Variants in SGTA observed in about 807,000 individuals in gnomAD.
The protein encoded by SGTA is small glutamine rich tetratricopeptide repeat co-chaperone alpha.
SGTA carries 22 observed loss-of-function variants against 44.3 expected under a neutral mutation model. The ratio of observed to expected loss-of-function variants is 0.50; its 90% CI spans 0.36 to 0.71. The LOEUF (loss-of-function observed/expected upper bound fraction) is 0.71, where lower values mean the gene tolerates loss of function less well. Among genes scored for constraint, SGTA ranks in the 30% least tolerant of loss-of-function variants. The pLI is 0.00. For missense variants in SGTA, 341 were observed against 435.9 expected (o/e 0.78, Z 1.94); for synonymous variants, 174 against 177.6 (o/e 0.98, Z 0.16).
rs138885244 is a variant in SGTA at position 2,767,758 on chromosome 19, G to A, written c.101-72C>T. ...GGTTACGTTTTTGGGTCTAGAGGGC[G>A]GGGTTGGTGCTCATGCTTCCCCAGG... On this transcript the variant is annotated intron_variant, in intron 2 of 11. Transcript: ENST00000221566. This position sits in a 1 kb window ranked among gnomAD's most constrained non-coding sequence, Gnocchi z 7.3. The A allele has an allele frequency of 3.3e-3, 3,952 of 1,186,266 alleles. 11 individuals are homozygous for A. The highest frequency in any genetic ancestry group is 4.4e-3 in the Non-Finnish European group (3,481 of 799,832). 73.5% of individuals were successfully genotyped at this position (1,186,266 alleles called of 1,614,324 possible).
intron 4 of SGTA, among the ~76,000 whole-genome samples, chr19:2,766,270 C>T (rs1194673686): frequency 2.0e-5 from 3 of 151,990 alleles, no homozygotes; most frequent in Non-Finnish European, 4.4e-5. Flanking sequence ...TGTGTCTGGC[C>T]TCTCTCCCTG....
chr19:2,760,433 G>T (rs140395369), intron 8 of SGTA, among the ~76,000 whole-genome samples: 1 of 144,864 alleles, frequency 6.9e-6, no homozygotes, highest in Non-Finnish European at 1.5e-5. Context: ...CAGGAGAATC[G>T]CTTGAACCTG....
At position 2,779,948 on chromosome 19, in the gene SGTA, A is replaced by G. The variant is rs145428669; in HGVS notation, c.-24+3285T>C. 8.3e-3 allele frequency among the ~76,000 whole-genome samples: 1,257 copies of G among 151,930 alleles called. 22 individuals carry two copies. The highest frequency in any genetic ancestry group is 0.029 in the African/African-American group (1,184 of 41,420). ...AAAAAAAAAAAATAGAATTAGCCTG[A>G]TGTGGCGGCACACACTAGTAGTCCC... is the stretch of plus-strand genomic sequence containing the variant. On this transcript the variant is annotated intron_variant, in intron 1 of 11. Coordinates refer to ENST00000221566, the MANE Select transcript of SGTA (RefSeq NM_003021.4).
At position 2,765,207 on chromosome 19, in the gene SGTA, T is replaced by C; in HGVS notation, c.371A>G (p.Asn124Ser). 6.2e-7 allele frequency: 1 copy of C among 1,613,968 alleles called. No homozygotes were observed. Residue 124 changes from asparagine to serine, a missense_variant, in exon 5 of 12, where the codon AAC (asparagine) becomes AGC (serine). Physicochemically the swap from Asn to Ser is conservative, Grantham distance 46. Coordinates refer to ENST00000221566, the MANE Select transcript of SGTA (RefSeq NM_003021.4). The surrounding 1 kb of genome is among the most constrained non-coding windows in gnomAD (Gnocchi z 5.5). ...GTACCTGTTGCAGAAATAGACGGCG[T>C]TGGCTGGGTTGAGCTCGATGGCTTT... is the stretch of plus-strand genomic sequence containing the variant. ...YGKAIELNPA[N>S]AVYFCNRAAA...
Position 2,777,323 on chromosome 19 carries a change from G to A in SGTA, c.-24+5910C>T, listed in dbSNP as rs894941854. On this transcript the variant is annotated intron_variant, in intron 1 of 11. Coordinates refer to ENST00000221566, the MANE Select transcript of SGTA (RefSeq NM_003021.4). ...CAGCAGCACTTCGGGAGGCCAAAGC[G>A]GGGGGATCACTTGAGCATAGGAATT... Among the ~76,000 whole-genome samples the A allele has an allele frequency of 7.9e-5, 12 of 151,568 alleles. No homozygotes were observed. In the South Asian group the frequency reaches 8.3e-4, roughly 11 times the overall value.
rs777497995 is a variant in SGTA at position 2,765,155 on chromosome 19, C to T, written c.392+31G>A. 1 of 1,561,686 alleles carries T rather than the reference C, an allele frequency of 6.4e-7. No individual in the cohort carries two copies. The highest frequency in any genetic ancestry group is 1.1e-5 in the South Asian group (1 of 90,004). ...CGGAGGACGCCCCCGCACCCGGCCG[C>T]CCCTGCCCTGGGCAGGCCCTGAGCT... On this transcript the variant is annotated intron_variant, in intron 5 of 11. Coordinates refer to ENST00000221566, the MANE Select transcript of SGTA (RefSeq NM_003021.4). The surrounding 1 kb of genome is among the most constrained non-coding windows in gnomAD (Gnocchi z 5.5).
chr19:2,767,863 C>T lies in SGTA; in HGVS notation c.101-177G>A, dbSNP rs1165835682. On this transcript the variant is annotated intron_variant, in intron 2 of 11. Coordinates refer to ENST00000221566, the MANE Select transcript of SGTA (RefSeq NM_003021.4). The surrounding 1 kb of genome is among the most constrained non-coding windows in gnomAD (Gnocchi z 7.3). Reference sequence around the variant, plus strand: ...TGGGACAGTGGACCCTCTTCCTTCCCGAAAAGAAAAGCCAGACAGAGACGC... The same window carrying T: ...TGGGACAGTGGACCCTCTTCCTTCCTGAAAAGAAAAGCCAGACAGAGACGC... 6.6e-6 allele frequency among the ~76,000 whole-genome samples: 1 copy of T among 152,148 alleles called. No individual in the cohort carries two copies. The highest frequency in any genetic ancestry group is 1.5e-5 in the Non-Finnish European group (1 of 68,028).
At chr19:2,758,454 T>C (rs562414406) in intron 9 of SGTA, among the ~76,000 whole-genome samples, 54 of 150,742 alleles carry the variant, frequency 3.6e-4, no homozygotes, top group Non-Finnish European at 6.1e-4. Flanking sequence ...GAGGCAGAGG[T>C]TGCAGTGAGC....
intron 1 of SGTA, among the ~76,000 whole-genome samples, chr19:2,770,992 C>T (rs1462650042): frequency 1.3e-5 from 2 of 152,206 alleles, no homozygotes; most frequent in East Asian, 3.8e-4. Context: ...CCTGTGAGCT[C>T]GGACGGGTTG....
Position 2,759,353 on chromosome 19 carries a change from A to T in SGTA, c.700-59T>A, listed in dbSNP as rs548821405. 2.7e-6 allele frequency: 4 copies of T among 1,508,792 alleles called. No homozygotes were observed. In the East Asian group the frequency reaches 9.0e-5, roughly 34 times the overall value. 93.5% of individuals were successfully genotyped at this position (1,508,792 alleles called of 1,614,324 possible). ...AGCTCCCAGCGCATCATTCTCTTTC[A>T]TCAGACACTTTCCATCTTAACCAGC... On this transcript the variant is annotated intron_variant, in intron 8 of 11. Transcript: ENST00000221566.
intron 1 of SGTA, among the ~76,000 whole-genome samples, chr19:2,779,664 C>G (rs1915525557): frequency 6.6e-6 from 1 of 152,240 alleles, no homozygotes; most frequent in African/African-American, 2.4e-5. Context: ...GGGTGCTGGC[C>G]CATGGGGGTG....
chr19:2,769,530 G>A (rs1915240537), intron 1 of SGTA, among the ~76,000 whole-genome samples: 1 of 152,238 alleles, frequency 6.6e-6, no homozygotes. Flanking sequence ...CTGAGAGGGA[G>A]AGACCTTGTC....
At position 2,767,661 on chromosome 19, in the gene SGTA, C is replaced by A. The variant is rs141837106; in HGVS notation, c.126G>T (p.Ala42=). 2 of 1,613,670 alleles carry A rather than the reference C, an allele frequency of 1.2e-6. No homozygotes were observed. Among genetic ancestry groups the A allele is most frequent in the Non-Finnish European group, 8.5e-7 (1 of 1,179,970 alleles). ...LEVAIQCLET[A]FGVTVEDSDL... ...CACTGTCTTCTACCGTCACCCCAAACGCAGTCTCCAGGCACTGGATGGCGA... is the reference window on the plus strand; with the variant it reads ...CACTGTCTTCTACCGTCACCCCAAAAGCAGTCTCCAGGCACTGGATGGCGA... Residue 42 remains alanine, a synonymous_variant, in exon 3 of 12, where the codon GCG becomes GCT. Transcript: ENST00000221566. This position sits in a 1 kb window ranked among gnomAD's most constrained non-coding sequence, Gnocchi z 7.3.
rs1157127934 is a variant in SGTA at position 2,762,594 on chromosome 19, T to C, written c.548A>G (p.Lys183Arg). 7 of 1,614,086 alleles carry C rather than the reference T, an allele frequency of 4.3e-6. No homozygotes were observed. The highest frequency in any genetic ancestry group is 2.2e-5 in the East Asian group (1 of 44,886). The stretch of plus-strand genomic sequence containing the variant: ...GTCGGGGTCCAGCTCCAGAGCCTTC[T>C]TGTAGTAAGCCACGGCCTCCACGTG... ...NKHVEAVAYY[K>R]KALELDPDNE... The change falls in exon 7 of 12, where the codon AAG becomes AGG. Residue 183 changes from lysine (K) to arginine (R), a missense_variant. By Grantham distance (26) the Lys-to-Arg change is conservative. Coordinates refer to ENST00000221566, the MANE Select transcript of SGTA (RefSeq NM_003021.4).
At chr19:2,758,535 A>G (rs1914893905) in intron 9 of SGTA, among the ~76,000 whole-genome samples, 1 of 151,784 alleles carries the variant, frequency 6.6e-6, no homozygotes. Context: ...AAAAAGGAGA[A>G]AGAAAAAAAG....
chr19:2,768,829 G>T, intron 2 of SGTA, 140 bp downstream of exon 2: 1 of 657,246 alleles, frequency 1.5e-6, no homozygotes, highest in Non-Finnish European at 2.7e-6. Flanking sequence ...GCCCTGGGCA[G>T]ACCCCTGCCC....
intron 1 of SGTA, among the ~76,000 whole-genome samples, chr19:2,779,584 C>T (rs1404959516): frequency 6.6e-6 from 1 of 152,204 alleles, no homozygotes; most frequent in Non-Finnish European, 1.5e-5. Context: ...ACAGCGAGGG[C>T]TTTATGGATG....
At position 2,767,169 on chromosome 19, in the gene SGTA, C is replaced by A; in HGVS notation, c.259G>T (p.Asp87Tyr). The A allele has an allele frequency of 6.2e-7, 1 of 1,612,926 alleles. No homozygotes were observed. The highest frequency in any genetic ancestry group is 8.5e-7 in the Non-Finnish European group (1 of 1,179,598). The stretch of plus-strand genomic sequence containing the variant: ...TTGAGGCGCTCTGCCTCTGCTGAGT[C>A]CTCCTCGGAAGGCGGGGTTCGCGCG... Reference protein sequence around the residue: ...SPARTPPSEEDSAEAERLKTE... With the variant: ...SPARTPPSEEYSAEAERLKTE... Residue 87 changes from aspartate (D) to tyrosine (Y), a missense_variant, in exon 4 of 12, where the codon GAC (aspartate) becomes TAC (tyrosine). By Grantham distance (160) the Asp-to-Tyr change is radical. Coordinates refer to ENST00000221566, the MANE Select transcript of SGTA (RefSeq NM_003021.4). This position sits in a 1 kb window ranked among gnomAD's most constrained non-coding sequence, Gnocchi z 7.3.
At chr19:2,779,409 G>C (rs1915519738) in intron 1 of SGTA, among the ~76,000 whole-genome samples, 1 of 152,182 alleles carries the variant, frequency 6.6e-6, no homozygotes, top group African/African-American at 2.4e-5. Context: ...TCAACAGCCA[G>C]GCTTTCCCGT....
Sources: gnomAD v4.1 joint callset for allele counts (sites outside exome capture counted in the v4.1 genomes callset) on GRCh38, gnomAD v4.1.1 for gene constraint, Gnocchi (gnomAD v3.1) non-coding constraint, MANE v1.5 for transcripts, NCBI Gene and HGNC (gene_info 2026-07-23, HGNC 2026-07-21) for gene names.